Variants in CSMD3 observed in about 807,000 individuals in gnomAD.
The protein encoded by CSMD3 is CUB and Sushi multiple domains 3.
A neutral mutation model predicts 435.2 loss-of-function variants in CSMD3; 177 were observed. That is an observed-to-expected ratio of 0.41 (90% CI 0.36 to 0.46). The LOEUF is 0.46. CSMD3 is among the 20% of genes least tolerant of loss of function. CSMD3 has a pLI of 0.34. For synonymous variants in CSMD3, 1,656 were observed against 1,520.5 expected (o/e 1.09, Z -2.07); for missense variants, 4,265 against 4,504.6 (o/e 0.95, Z 1.52).
At chr8:112,404,524 T>TAA (rs774206413) in intron 35 of CSMD3, among the ~76,000 whole-genome samples, 3 of 138,604 alleles carry the variant, frequency 2.2e-5, no homozygotes, top group Admixed American at 7.2e-5. Context: ...TGAGACTCCA[T>TAA]AAAAAAAAAA....
intron 3 of CSMD3, among the ~76,000 whole-genome samples, chr8:113,252,157 T>C (rs1398596370): frequency 6.6e-6 from 1 of 152,130 alleles, no homozygotes; most frequent in Non-Finnish European, 1.5e-5. Context: ...TATTTATGAA[T>C]CTTTTATCTG....
chr8:113,428,222 A>G (rs1224370091), intron 1 of CSMD3, among the ~76,000 whole-genome samples: 3 of 149,750 alleles, frequency 2.0e-5, no homozygotes, highest in South Asian at 2.1e-4. Flanking sequence ...CTATCTATCT[A>G]TCTATCTATC....
chr8:112,488,997 G>A (rs1249161661), intron 31 of CSMD3, among the ~76,000 whole-genome samples: 1 of 151,794 alleles, frequency 6.6e-6, no homozygotes, highest in Non-Finnish European at 1.5e-5. Flanking sequence ...TATTTTCTTA[G>A]TTATCATATG....
intron 20 of CSMD3, among the ~76,000 whole-genome samples, chr8:112,642,532 A>G (rs1195748563): frequency 1.3e-5 from 2 of 152,168 alleles, no homozygotes; most frequent in Non-Finnish European, 2.9e-5. Flanking sequence ...TTAGATATTT[A>G]GATTTATCCT....
chr8:112,792,131 T>C (rs976146256), intron 13 of CSMD3, among the ~76,000 whole-genome samples: 1 of 152,202 alleles, frequency 6.6e-6, no homozygotes, highest in Non-Finnish European at 1.5e-5. Flanking sequence ...AGCCTGTGAT[T>C]TGAAATTCAT....
At chr8:112,444,470 A>G (rs1179634072) in intron 32 of CSMD3, among the ~76,000 whole-genome samples, 2 of 152,236 alleles carry the variant, frequency 1.3e-5, no homozygotes, top group African/African-American at 2.4e-5. Context: ...GTCTATCACA[A>G]GGACAATAGA....
intron 13 of CSMD3, among the ~76,000 whole-genome samples, chr8:112,718,684 C>T (rs1189325480): frequency 1.3e-5 from 2 of 152,004 alleles, no homozygotes; most frequent in African/African-American, 4.8e-5. Context: ...TGTAAGGTGT[C>T]TATCCTTGGA....
At chr8:112,488,706 T>C (rs1270138568) in intron 31 of CSMD3, among the ~76,000 whole-genome samples, 1 of 152,162 alleles carries the variant, frequency 6.6e-6, no homozygotes, top group Non-Finnish European at 1.5e-5. Context: ...TATTAATGTA[T>C]AGCAAAAGCA....
intron 13 of CSMD3, among the ~76,000 whole-genome samples, chr8:112,733,506 T>A (rs533714059): frequency 6.6e-6 from 1 of 152,050 alleles, no homozygotes; most frequent in Non-Finnish European, 1.5e-5. Context: ...TGAAAATAAG[T>A]ATAAAGCTTA....
At chr8:112,339,243 C>CA (rs1824864844) in intron 42 of CSMD3, among the ~76,000 whole-genome samples, 1 of 151,676 alleles carries the variant, frequency 6.6e-6, no homozygotes, top group South Asian at 2.1e-4. Flanking sequence ...TGATTGGTTG[C>CA]AAAAAGCAAT....
intron 22 of CSMD3, among the ~76,000 whole-genome samples, chr8:112,609,513 A>G (rs1054313645): frequency 6.6e-6 from 1 of 152,258 alleles, no homozygotes; most frequent in Non-Finnish European, 1.5e-5. Context: ...GAAAAAAGAT[A>G]AAAAATGTTG....
chr8:112,613,751 G>A (rs954074588), intron 22 of CSMD3, among the ~76,000 whole-genome samples: 1 of 152,108 alleles, frequency 6.6e-6, no homozygotes, highest in African/African-American at 2.4e-5. Context: ...AAAAGAGCAA[G>A]AAAGATAAAT....
intron 4 of CSMD3, among the ~76,000 whole-genome samples, chr8:113,158,162 T>A (rs2091968227): frequency 6.6e-6 from 1 of 150,892 alleles, no homozygotes; most frequent in African/African-American, 2.4e-5. Flanking sequence ...TAAAACTACA[T>A]TATGCCAACA....
chr8:112,228,895 CAA>C lies in CSMD3; in HGVS notation c.10829-6_10829-5del, dbSNP rs1812825238. ...GAACCTTCTGACATATTCAGTCCTA[CAA>C]AATAAAAAATAAATTATAAATACAC... On this transcript the variant is annotated splice_region_variant and splice_polypyrimidine_tract_variant and intron_variant, in intron 69 of 70. Coordinates refer to ENST00000297405, the MANE Select transcript of CSMD3 (RefSeq NM_198123.2). 6.9e-7 allele frequency: 1 copy of C among 1,440,998 alleles called. No individual in the cohort carries two copies. Among genetic ancestry groups the C allele is most frequent in the Non-Finnish European group, 9.7e-7 (1 of 1,027,904 alleles). The allele number at this position is 1,440,998 out of a possible 1,614,324, so 89.3% of individuals were successfully genotyped here. A position where few individuals can be genotyped will look rare whatever the true frequency, so the allele number is the denominator to read the frequency against.
intron 10 of CSMD3, among the ~76,000 whole-genome samples, chr8:112,916,157 A>G (rs2082565100): frequency 1.3e-5 from 2 of 151,878 alleles, no homozygotes; most frequent in African/African-American, 4.8e-5. Context: ...ATGTACCAAA[A>G]CTGAATCAAG....
chr8:112,527,603 T>C (rs1407952303), intron 27 of CSMD3, among the ~76,000 whole-genome samples: 2 of 151,778 alleles, frequency 1.3e-5, no homozygotes, highest in Non-Finnish European at 2.9e-5. Context: ...ACAATGGTAA[T>C]ATACTTTTTT....
At chr8:112,704,501 A>G (rs931141033) in intron 13 of CSMD3, among the ~76,000 whole-genome samples, 30 of 152,142 alleles carry the variant, frequency 2.0e-4, no homozygotes, top group African/African-American at 7.0e-4. Flanking sequence ...CTGTGGACAG[A>G]CAAGGAGTTT....
At chr8:112,999,817 T>C (rs576790411) in intron 6 of CSMD3, among the ~76,000 whole-genome samples, 1 of 151,244 alleles carries the variant, frequency 6.6e-6, no homozygotes, top group South Asian at 2.1e-4. Flanking sequence ...TTGTCCTGAA[T>C]AAATGAGAAA....
chr8:113,163,840 C>T (rs981992189), intron 4 of CSMD3, among the ~76,000 whole-genome samples: 1 of 152,014 alleles, frequency 6.6e-6, no homozygotes, highest in African/African-American at 2.4e-5. Context: ...TCTCCATCTA[C>T]TTTTCAATAC....
Sources: gnomAD v4.1 joint callset for allele counts (sites outside exome capture counted in the v4.1 genomes callset) on GRCh38, gnomAD v4.1.1 for gene constraint, MANE v1.5 for transcripts, NCBI Gene and HGNC (gene_info 2026-07-23, HGNC 2026-07-21) for gene names.